The following POLK variants were observed in gnomAD, a reference collection of about 807,000 sequenced individuals.
The protein encoded by POLK is polymerase (DNA directed) kappa.
POLK carries 76 observed loss-of-function variants against 94.0 expected under a neutral mutation model. That is an observed-to-expected ratio of 0.81 (90% confidence interval 0.67 to 0.98). The LOEUF (loss-of-function observed/expected upper bound fraction) is 0.98, where lower values mean the gene tolerates loss of function less well. Among genes scored for constraint, POLK ranks in the 50% least tolerant of loss-of-function variants. The pLI, the probability that POLK is intolerant of heterozygous loss-of-function variation, is 0.00. For missense variants in POLK, 954 were observed against 1,010.1 expected (o/e 0.94, Z 0.75); for synonymous variants, 349 against 325.4 (o/e 1.07, Z -0.78).
At chr5:75,582,221 A>G in intron 7 of POLK, 1 of 635,528 alleles carries the variant, frequency 1.6e-6, no homozygotes, top group Non-Finnish European at 2.0e-6. Flanking sequence ...CCATGAGGCC[A>G]TCACTGTCTC....
At chr5:75,609,639 T>C in the POLK span, 2 of 152,234 alleles carry the variant, frequency 1.3e-5, no homozygotes, top group Non-Finnish European at 2.9e-5. Flanking sequence ...TATTATACTT[T>C]CCATATTAGT....
exon 15 of POLK, chr5:75,599,521 A>G (rs1405404597): frequency 1.3e-5 from 2 of 152,136 alleles, no homozygotes; most frequent in East Asian, 3.8e-4. Context: ...ATCCAATCCC[A>G]TGACTGATGT....
intron 1 of POLK, among the ~76,000 whole-genome samples, chr5:75,523,523 A>G (rs938963950): frequency 2.0e-5 from 3 of 152,256 alleles, no homozygotes; most frequent in Non-Finnish European, 4.4e-5. Context: ...AACTCCAGAT[A>G]CAAAGGCTTT....
intron 1 of POLK, among the ~76,000 whole-genome samples, chr5:75,546,375 G>A (rs1234691607): frequency 6.6e-6 from 1 of 152,100 alleles, no homozygotes; most frequent in Non-Finnish European, 1.5e-5. Flanking sequence ...AAAGCAGTGG[G>A]GTTGGTCTTT....
intron 4 of POLK, among the ~76,000 whole-genome samples, chr5:75,573,448 G>A (rs528228961): frequency 6.6e-6 from 1 of 152,078 alleles, no homozygotes; most frequent in Non-Finnish European, 1.5e-5. Context: ...CACCAACATG[G>A]CACATGTATA....
downstream of POLK, among the ~76,000 whole-genome samples, chr5:75,603,666 A>G (rs564748296): frequency 1.3e-5 from 2 of 152,270 alleles, no homozygotes. Flanking sequence ...GATGCACTCT[A>G]AACACTGGCT....
intron 6 of POLK, among the ~76,000 whole-genome samples, chr5:75,577,310 A>G (rs1214171655): frequency 6.6e-6 from 1 of 152,210 alleles, no homozygotes; most frequent in African/African-American, 2.4e-5. Context: ...AGCCTCAAAC[A>G]TATCAAAACA....
intron 1 of POLK, among the ~76,000 whole-genome samples, chr5:75,541,888 ATC>A (rs1255204734): frequency 6.6e-6 from 1 of 152,224 alleles, no homozygotes; most frequent in Non-Finnish European, 1.5e-5. Flanking sequence ...TGGAAAAATA[ATC>A]TGTTAAAGTC....
At chr5:75,573,818 A>G in exon 5 of POLK, 1 of 1,613,514 alleles carries the variant, frequency 6.2e-7, no homozygotes, top group Non-Finnish European at 8.5e-7. Context: ...TGTGCCCACA[A>G]CTTATAATAG....
At chr5:75,534,004 G>T (rs1456459387) in intron 1 of POLK, among the ~76,000 whole-genome samples, 1 of 152,102 alleles carries the variant, frequency 6.6e-6, no homozygotes, top group Non-Finnish European at 1.5e-5. Flanking sequence ...GGTGGCTCAT[G>T]CCTATAATCC....
Position 75,583,433 on chromosome 5 carries a change from A to C in POLK, c.1059+16A>C, listed in dbSNP as rs776810554. On this transcript the variant is annotated intron_variant, in intron 8 of 14. Coordinates refer to ENST00000241436, the Ensembl canonical transcript of POLK. ...CATTAGAAAGGTAAGATTTTTACAT[A>C]AAGTTTATTTATATATGTACTCTGA... The C allele has an allele frequency of 1.3e-6, 2 of 1,536,596 alleles. No homozygotes were observed. The highest frequency in any genetic ancestry group is 2.3e-5 in the South Asian group (2 of 87,176).
chr5:75,605,909 CACAGAG>C (rs1773413292), downstream of POLK, among the ~76,000 whole-genome samples: 2 of 149,806 alleles, frequency 1.3e-5, no homozygotes, highest in Admixed American at 1.3e-4. Context: ...AAGAAAAAGA[CACAGAG>C]ACAAAGTATA....
Position 75,569,517 on chromosome 5 carries a change from G to T in POLK, c.408+25G>T, listed in dbSNP as rs1288490816. On this transcript the variant is annotated intron_variant, in intron 4 of 14. Coordinates refer to ENST00000241436, the Ensembl canonical transcript of POLK. ...GGTAAGTAAAGATCAAATACAAAAA[G>T]GAAATTTTATAACGTACTCAAGTAA... 2.5e-6 allele frequency: 4 copies of T among 1,584,458 alleles called. No individual in the cohort carries two copies. The Admixed American group carries it at 5.4e-5, about 21-fold the overall frequency.
exon 11 of POLK, chr5:75,590,377 A>G (rs762846376): frequency 7.5e-6 from 12 of 1,607,944 alleles, no homozygotes; most frequent in South Asian, 1.1e-5. Flanking sequence ...CGGAAGAGCA[A>G]TACAGCCTAT....
downstream of POLK, among the ~76,000 whole-genome samples, chr5:75,603,093 T>TA (rs1773333921): frequency 6.6e-6 from 1 of 152,340 alleles, no homozygotes; most frequent in South Asian, 2.1e-4. Context: ...GGCTGTAAGT[T>TA]AAAGGCAAGA....
the POLK span, among the ~76,000 whole-genome samples, chr5:75,608,334 C>T: frequency 6.6e-6 from 1 of 152,012 alleles, no homozygotes; most frequent in Admixed American, 6.6e-5. Context: ...GCTAAGACTA[C>T]AGGTCTGCCC....
chr5:75,601,453 G>T (rs1581118311), downstream of POLK, among the ~76,000 whole-genome samples: 1 of 152,286 alleles, frequency 6.6e-6, no homozygotes, highest in African/African-American at 2.4e-5. Flanking sequence ...GGGTGTGTCT[G>T]TGAGGGTATT....
intron 12 of POLK, 149 bp downstream of exon 12, chr5:75,594,198 A>G (rs1772943148): frequency 1.7e-6 from 1 of 594,074 alleles, no homozygotes; most frequent in Non-Finnish European, 3.0e-6. Flanking sequence ...GTATGCTTTC[A>G]GTACACTCTT....
At chr5:75,586,536 A>G (rs1772479638) in intron 9 of POLK, among the ~76,000 whole-genome samples, 1 of 152,182 alleles carries the variant, frequency 6.6e-6, no homozygotes, top group African/African-American at 2.4e-5. Flanking sequence ...TCAGATTCCC[A>G]ATCTTCATCC....
Sources: allele counts gnomAD v4.1 joint callset (sites outside exome capture counted in the v4.1 genomes callset), GRCh38; gene constraint gnomAD v4.1.1; transcripts MANE v1.5; gene names NCBI Gene and HGNC (gene_info 2026-07-23, HGNC 2026-07-21).